TDRD7: variants seen among roughly 807,000 people sequenced by gnomAD.
TDRD7 encodes the protein tudor domain containing 7.
A neutral mutation model predicts 109.8 loss-of-function variants in TDRD7; 47 were observed. The observed-to-expected ratio is 0.43, with a 90% CI of 0.34 to 0.55. The LOEUF (loss-of-function observed/expected upper bound fraction) is 0.55. TDRD7 is among the 20% of genes least tolerant of loss of function. TDRD7 has a pLI of 0.03. For missense variants in TDRD7, 1,164 were observed against 1,319.2 expected, an observed-to-expected ratio of 0.88 and a Z score of 1.82; for synonymous variants, 424 against 457.3, an observed-to-expected ratio of 0.93 and a Z score of 0.93.
chr9:97,428,087 C>T lies in TDRD7; in HGVS notation c.-6-373C>T, dbSNP rs1215240395. ...TGGAACACACCATGTGCTTCTCTCT[C>T]ACCTCTGTGCACTCGCACATCCTGT... is the stretch of plus-strand genomic sequence containing the variant. On this transcript the variant is annotated intron_variant, in intron 1 of 16. Coordinates refer to ENST00000355295, the MANE Select transcript of TDRD7 (RefSeq NM_014290.3). Among the ~76,000 whole-genome samples, 5 of 152,244 alleles carry T rather than the reference C, an allele frequency of 3.3e-5. No individual in the cohort carries two copies. The East Asian group carries it at 7.7e-4, about 24-fold the overall frequency.
At chr9:97,423,346 G>A (rs1359749013) in intron 1 of TDRD7, among the ~76,000 whole-genome samples, 1 of 150,044 alleles carries the variant, frequency 6.7e-6, no homozygotes, top group African/African-American at 2.4e-5. Context: ...AATGTCTGTA[G>A]GATCTGTATT....
intron 7 of TDRD7, among the ~76,000 whole-genome samples, chr9:97,462,014 A>G (rs1828733623): frequency 1.3e-5 from 2 of 152,242 alleles, no homozygotes; most frequent in African/African-American, 4.8e-5. Flanking sequence ...GAAACTTTAG[A>G]GAGGATAAAG....
intron 1 of TDRD7, among the ~76,000 whole-genome samples, chr9:97,417,283 T>C (rs531276391): frequency 6.6e-6 from 1 of 152,288 alleles, no homozygotes; most frequent in African/African-American, 2.4e-5. Context: ...CCTTTTTGGC[T>C]CTGTAAGGAC....
intron 6 of TDRD7, among the ~76,000 whole-genome samples, chr9:97,459,291 C>T (rs543755969): frequency 2.0e-5 from 3 of 152,212 alleles, no homozygotes; most frequent in Admixed American, 1.3e-4. Context: ...TCCAATAAAA[C>T]TTTATGTATA....
chr9:97,443,081 A>C (rs911453260), intron 6 of TDRD7, among the ~76,000 whole-genome samples: 5 of 152,158 alleles, frequency 3.3e-5, no homozygotes, highest in Admixed American at 6.5e-5. Flanking sequence ...TACAGGCATG[A>C]GCCACCATGC....
chr9:97,427,585 T>C (rs903453350), intron 1 of TDRD7, among the ~76,000 whole-genome samples: 1 of 152,210 alleles, frequency 6.6e-6, no homozygotes, highest in Non-Finnish European at 1.5e-5. Flanking sequence ...AACTTCTCCG[T>C]GTCCAAAATG....
Position 97,439,066 on chromosome 9 carries a change from A to G in TDRD7, c.564-179A>G, listed in dbSNP as rs1828250990. Among the ~76,000 whole-genome samples the G allele has an allele frequency of 2.6e-5, 4 of 152,196 alleles. No homozygotes were observed. In the South Asian group the frequency reaches 8.3e-4, roughly 31 times the overall value. ...TTAACATACTTTTCTCTGAGTGAAT[A>G]TGAAACATGAAAGATGATGCCAGGT... On this transcript the variant is annotated intron_variant, in intron 4 of 16. Coordinates refer to ENST00000355295, the MANE Select transcript of TDRD7 (RefSeq NM_014290.3).
chr9:97,460,898 T>A, intron 7 of TDRD7, 134 bp downstream of exon 7: 2 of 822,330 alleles, frequency 2.4e-6, no homozygotes, highest in Non-Finnish European at 4.0e-6. Flanking sequence ...TCCCAGCACT[T>A]TGGGAGGCCG....
In TDRD7 at chr9:97,412,394, A is replaced by G. The variant is rs1827731051; in HGVS notation, c.-7+156A>G. Reference sequence around the variant, plus strand: ...GGCCTTTTCCCTGCAGCCGCAGGGGATTGCCCCCGCCCCGACGCCTGGGAA... The same window carrying G: ...GGCCTTTTCCCTGCAGCCGCAGGGGGTTGCCCCCGCCCCGACGCCTGGGAA... On this transcript the variant is annotated intron_variant, in intron 1 of 16. Coordinates refer to ENST00000355295, the MANE Select transcript of TDRD7 (RefSeq NM_014290.3). The surrounding 1 kb of genome is among the most constrained non-coding windows in gnomAD (Gnocchi z 4.3). 6.6e-6 allele frequency among the ~76,000 whole-genome samples: 1 copy of G among 151,832 alleles called. No homozygotes were observed. The highest frequency in any genetic ancestry group is 1.5e-5 in the Non-Finnish European group (1 of 67,932).
At chr9:97,413,014 G>C (rs1234453781) in intron 1 of TDRD7, among the ~76,000 whole-genome samples, 1 of 152,180 alleles carries the variant, frequency 6.6e-6, no homozygotes, top group African/African-American at 2.4e-5. Context: ...TCTAAGAGCA[G>C]GGAAGGGAAA....
intron 6 of TDRD7, among the ~76,000 whole-genome samples, chr9:97,457,430 G>C (rs562085928): frequency 1.3e-5 from 2 of 151,806 alleles, no homozygotes; most frequent in African/African-American, 4.8e-5. Flanking sequence ...CTGGGCTGGC[G>C]TGCAATGGCA....
chr9:97,457,698 G>A lies in TDRD7; in HGVS notation c.856-2480G>A, dbSNP rs538162546. On this transcript the variant is annotated intron_variant, in intron 6 of 16. Transcript: ENST00000355295. Reference sequence around the variant, plus strand: ...CGGCCACACACGTATGTTTATTGCAGTGCTATTTACAATAGCAAAGACATG... The same window carrying A: ...CGGCCACACACGTATGTTTATTGCAATGCTATTTACAATAGCAAAGACATG... Among the ~76,000 whole-genome samples the A allele has an allele frequency of 5.9e-5, 9 of 152,252 alleles. No homozygotes were observed. In the South Asian group the frequency reaches 1.9e-3, roughly 32 times the overall value.
chr9:97,438,383 C>G (rs1828239886), intron 4 of TDRD7, among the ~76,000 whole-genome samples: 1 of 152,120 alleles, frequency 6.6e-6, no homozygotes, highest in South Asian at 2.1e-4. Context: ...GCTATGTGTA[C>G]CATGTCACTA....
intron 15 of TDRD7, among the ~76,000 whole-genome samples, chr9:97,486,698 A>T (rs1829217736): frequency 6.6e-6 from 1 of 152,126 alleles, no homozygotes. Context: ...TGCCCTCTCC[A>T]GTCCTCTGTG....
intron 7 of TDRD7, among the ~76,000 whole-genome samples, chr9:97,464,007 T>C (rs1203989333): frequency 6.6e-6 from 1 of 152,194 alleles, no homozygotes; most frequent in African/African-American, 2.4e-5. Context: ...TTGTTTTTTC[T>C]CTAGTAAAAT....
At chr9:97,461,989 C>G (rs1410558694) in intron 7 of TDRD7, among the ~76,000 whole-genome samples, 1 of 152,214 alleles carries the variant, frequency 6.6e-6, no homozygotes, top group Non-Finnish European at 1.5e-5. Flanking sequence ...GATGCTCAAA[C>G]TGGAAGAACC....
chr9:97,464,258 C>T (rs898621615), intron 7 of TDRD7, among the ~76,000 whole-genome samples: 10 of 152,148 alleles, frequency 6.6e-5, no homozygotes, highest in Non-Finnish European at 1.5e-4. Context: ...CCTGTTATGC[C>T]CTCTCGTTGT....
At position 97,472,263 on chromosome 9, in the gene TDRD7, G is replaced by A. The variant is rs12002057; in HGVS notation, c.1742-30G>A. The A allele has an allele frequency of 0.033, 52,479 of 1,583,346 alleles. 1,270 individuals are homozygous for A. Among genetic ancestry groups the A allele is most frequent in the African/African-American group, 0.12 (8,837 of 74,286 alleles). ...ATCTTGAAATGATTTTTCTAATTAA[G>A]TAGAAATTAAAAGATTCAATATTTT... is the stretch of plus-strand genomic sequence containing the variant. On this transcript the variant is annotated intron_variant, in intron 9 of 16. Coordinates refer to ENST00000355295, the MANE Select transcript of TDRD7 (RefSeq NM_014290.3).
In TDRD7 at chr9:97,487,161, T is replaced by C; in HGVS notation, c.2916-11T>C. Reference sequence around the variant, plus strand: ...TGTTTTCTCTTCCTTTTTAATTTAATGTACATCTAGGTGGCACAGGGTGCT... The same window carrying C: ...TGTTTTCTCTTCCTTTTTAATTTAACGTACATCTAGGTGGCACAGGGTGCT... On this transcript the variant is annotated splice_polypyrimidine_tract_variant and intron_variant, in intron 15 of 16. Transcript: ENST00000355295. The C allele has an allele frequency of 6.2e-7, 1 of 1,613,878 alleles. No individual in the cohort carries two copies.
Sources: gnomAD v4.1 joint callset for allele counts (sites outside exome capture counted in the v4.1 genomes callset) on GRCh38, gnomAD v4.1.1 for gene constraint, Gnocchi (gnomAD v3.1) non-coding constraint, MANE v1.5 for transcripts, NCBI Gene and HGNC (gene_info 2026-07-23, HGNC 2026-07-21) for gene names.